The following NKAIN3 variants were observed in gnomAD, a reference collection of about 807,000 sequenced individuals.
NKAIN3 encodes sodium/potassium transporting ATPase interacting 3.
Under a neutral mutation model 30.2 loss-of-function variants are expected in NKAIN3, and 25 were observed. That is an observed-to-expected ratio of 0.83 (90% CI 0.60 to 1.16). NKAIN3 has a LOEUF of 1.16. Ranked by LOEUF, NKAIN3 falls within the 50% of genes most tolerant of loss-of-function variation. NKAIN3 has a pLI of 0.00. For synonymous variants in NKAIN3, 91 were observed against 89.6 expected, an observed-to-expected ratio of 1.02 and a Z score of -0.09; for missense variants, 225 against 254.1, an observed-to-expected ratio of 0.89 and a Z score of 0.78.
chr8:62,322,791 C>A (rs61010677), intron 1 of NKAIN3, among the ~76,000 whole-genome samples: 3 of 152,098 alleles, frequency 2.0e-5, no homozygotes, highest in Non-Finnish European at 2.9e-5. Context: ...CACTCCAAAA[C>A]GTAACTGATA....
rs146406884 is a variant in NKAIN3 at position 62,941,676 on chromosome 8, G to A, written c.533-12226G>A. Among the ~76,000 whole-genome samples the A allele has an allele frequency of 2.0e-3, 299 of 152,034 alleles. 1 individual carries two copies. Among genetic ancestry groups the A allele is most frequent in the Middle Eastern group, 0.01 (3 of 294 alleles). Reference sequence around the variant, plus strand: ...AAAACACAAATCACATGATCGTATCGACAGATGCAGAAAAAGCATTTGGCA... The same window carrying A: ...AAAACACAAATCACATGATCGTATCAACAGATGCAGAAAAAGCATTTGGCA... On this transcript the variant is annotated intron_variant, in intron 5 of 6. Coordinates refer to ENST00000623646, the MANE Select transcript of NKAIN3 (RefSeq NM_001304533.3).
chr8:62,542,675 C>T (rs964672314), intron 1 of NKAIN3, among the ~76,000 whole-genome samples: 1 of 151,942 alleles, frequency 6.6e-6, no homozygotes, highest in African/African-American at 2.4e-5. Context: ...ATATTTAAAC[C>T]ACATGTTAAA....
intron 1 of NKAIN3, among the ~76,000 whole-genome samples, chr8:62,334,500 T>G (rs557365281): frequency 6.6e-6 from 1 of 152,124 alleles, no homozygotes; most frequent in Non-Finnish European, 1.5e-5. Flanking sequence ...TACCTTAACT[T>G]GGTTGCATCT....
chr8:62,585,916 A>G (rs1810456150), intron 2 of NKAIN3, among the ~76,000 whole-genome samples: 1 of 152,210 alleles, frequency 6.6e-6, no homozygotes, highest in South Asian at 2.1e-4. Flanking sequence ...ATTTAAAAAT[A>G]AGATTTTTGT....
At chr8:62,996,901 G>A (rs1274931449) in intron 5 of NKAIN3, among the ~76,000 whole-genome samples, 4 of 152,160 alleles carry the variant, frequency 2.6e-5, no homozygotes, top group Non-Finnish European at 4.4e-5. Context: ...GCAGGGTATG[G>A]CCTCTGCGGC....
chr8:62,767,003 G>A (rs1209119075), intron 4 of NKAIN3, among the ~76,000 whole-genome samples: 3 of 150,902 alleles, frequency 2.0e-5, no homozygotes, highest in Non-Finnish European at 2.9e-5. Flanking sequence ...CATGAGAATA[G>A]GGAGCAGGGA....
At position 62,694,872 on chromosome 8, in the gene NKAIN3, T is replaced by C. The variant is rs149580982; in HGVS notation, c.274-52060T>C. The stretch of plus-strand genomic sequence containing the variant: ...ACCCTTGAGGAGTCCCTGACCAAAC[T>C]CTCTGGTCAATCCTGCCTTTCTTAA... On this transcript the variant is annotated intron_variant, in intron 3 of 6. Transcript: ENST00000623646. Among the ~76,000 whole-genome samples, 481 of 152,234 alleles carry C rather than the reference T, an allele frequency of 3.2e-3. 1 individual carries two copies. Among genetic ancestry groups the C allele is most frequent in the African/African-American group, 0.011 (459 of 41,538 alleles).
chr8:62,910,870 C>T (rs549298761), intron 4 of NKAIN3, among the ~76,000 whole-genome samples: 9 of 151,720 alleles, frequency 5.9e-5, no homozygotes, highest in African/African-American at 2.2e-4. Context: ...TGAGTTTGTT[C>T]TCAAGAGACG....
intron 3 of NKAIN3, among the ~76,000 whole-genome samples, chr8:62,694,966 C>T (rs1586097917): frequency 2.6e-5 from 4 of 152,204 alleles, no homozygotes; most frequent in South Asian, 2.1e-4. Flanking sequence ...TTTTATATCT[C>T]CATATCTCTG....
intron 1 of NKAIN3, among the ~76,000 whole-genome samples, chr8:62,573,976 A>G (rs28489803): frequency 0.035 from 5,285 of 152,148 alleles, 248 homozygotes; most frequent in African/African-American, 0.12. Context: ...GACCTTGTTC[A>G]TACTTTCTAT....
intron 1 of NKAIN3, among the ~76,000 whole-genome samples, chr8:62,487,464 A>G (rs888457442): frequency 3.3e-5 from 5 of 152,202 alleles, no homozygotes; most frequent in Non-Finnish European, 7.4e-5. Flanking sequence ...GCTGATTTCT[A>G]AAATGAAAAT....
Position 62,692,321 on chromosome 8 carries a change from A to C in NKAIN3, c.274-54611A>C, listed in dbSNP as rs527918851. 6.6e-5 allele frequency among the ~76,000 whole-genome samples: 10 copies of C among 152,374 alleles called. No homozygotes were observed. The South Asian group carries it at 1.0e-3, about 16-fold the overall frequency. ...ATTACCACAAACTTCAAAGATAAGT[A>C]GAAGCACAACTGGCAAAGATAATGT... On this transcript the variant is annotated intron_variant, in intron 3 of 6. Coordinates refer to ENST00000623646, the MANE Select transcript of NKAIN3 (RefSeq NM_001304533.3).
chr8:62,769,373 T>A (rs893851251), intron 4 of NKAIN3, among the ~76,000 whole-genome samples: 1 of 152,184 alleles, frequency 6.6e-6, no homozygotes, highest in Admixed American at 6.5e-5. Context: ...CATGCTAAGG[T>A]ACTCTACAGC....
intron 1 of NKAIN3, among the ~76,000 whole-genome samples, chr8:62,564,195 A>ATGAT (rs1809673674): frequency 6.6e-6 from 1 of 152,184 alleles, no homozygotes; most frequent in African/African-American, 2.4e-5. Flanking sequence ...CTTCACACAA[A>ATGAT]TGATTGTCCT....
intron 3 of NKAIN3, among the ~76,000 whole-genome samples, chr8:62,611,456 C>T (rs551267304): frequency 1.3e-5 from 2 of 152,162 alleles, no homozygotes; most frequent in East Asian, 1.9e-4. Flanking sequence ...ATCAGACTCC[C>T]GCTCTGGAAA....
At chr8:62,437,700 G>A (rs1283366601) in intron 1 of NKAIN3, among the ~76,000 whole-genome samples, 1 of 151,930 alleles carries the variant, frequency 6.6e-6, no homozygotes, top group East Asian at 1.9e-4. Context: ...TAATTACCAC[G>A]GTGAGCATTT....
intron 4 of NKAIN3, among the ~76,000 whole-genome samples, chr8:62,895,863 T>G (rs1375995696): frequency 6.6e-6 from 1 of 152,150 alleles, no homozygotes; most frequent in African/African-American, 2.4e-5. Context: ...ATCTTCCCTT[T>G]TCTTACGGAG....
intron 4 of NKAIN3, among the ~76,000 whole-genome samples, chr8:62,859,495 C>A (rs545319397): frequency 2.2e-3 from 33 of 14,970 alleles, no homozygotes; most frequent in African/African-American, 4.5e-3. Context: ...TTTTTCTATA[C>A]TCTTACTTCA....
At chr8:62,430,385 GT>G (rs1344207258) in intron 1 of NKAIN3, among the ~76,000 whole-genome samples, 2 of 150,854 alleles carry the variant, frequency 1.3e-5, no homozygotes, top group Non-Finnish European at 3.0e-5. Context: ...GTGTGTGTGT[GT>G]GTGTGTGTGT....
Sources: allele counts gnomAD v4.1 joint callset (sites outside exome capture counted in the v4.1 genomes callset), GRCh38; gene constraint gnomAD v4.1.1; transcripts MANE v1.5; gene names NCBI Gene and HGNC (gene_info 2026-07-23, HGNC 2026-07-21).